Variants in FAM193A observed in about 807,000 individuals in gnomAD.
The protein encoded by FAM193A is family with sequence similarity 193 member A, also known as protein FAM193A.
FAM193A carries 22 observed loss-of-function variants against 126.5 expected under a neutral mutation model. The ratio of observed to expected loss-of-function variants is 0.17; its 90% CI spans 0.12 to 0.25. The LOEUF is 0.25. Among genes scored for constraint, FAM193A ranks in the 10% least tolerant of loss-of-function variants. The pLI is 1.00. For missense variants in FAM193A, 1,675 were observed against 1,672.8 expected, an observed-to-expected ratio of 1.00 and a Z score of -0.02; for synonymous variants, 761 against 646.8, an observed-to-expected ratio of 1.18 and a Z score of -2.68.
chr4:2,665,077 C>G (rs547942951), intron 12 of FAM193A, among the ~76,000 whole-genome samples: 1 of 152,254 alleles, frequency 6.6e-6, no homozygotes, highest in African/African-American at 2.4e-5. Context: ...AGGGAGAATG[C>G]AATCCTAACA....
intron 12 of FAM193A, among the ~76,000 whole-genome samples, chr4:2,667,041 T>A (rs1713197985): frequency 6.6e-6 from 1 of 152,252 alleles, no homozygotes; most frequent in South Asian, 2.1e-4. Context: ...GATGACTGAT[T>A]TTAGAGCTTC....
intron 2 of FAM193A, 136 bp from the exon 3 acceptor site, chr4:2,625,126 T>C (rs1262079332): frequency 1.8e-6 from 1 of 569,596 alleles, no homozygotes; most frequent in African/African-American, 1.9e-5. Flanking sequence ...AGCCACTGTA[T>C]CTGGCCAAGA....
At position 2,695,067 on chromosome 4, in the gene FAM193A, A is replaced by G; in HGVS notation, c.3214A>G (p.Thr1072Ala). 1.2e-6 allele frequency: 2 copies of G among 1,609,190 alleles called. No individual in the cohort carries two copies. Among genetic ancestry groups the G allele is most frequent in the Non-Finnish European group, 1.7e-6 (2 of 1,178,092 alleles). ...GCACAGCTCCAGCACCTCGACCTCC[A>G]CCAACCAGAAGGAGGGCAAGTACTG... ...SEHSSSTSTS[T>A]NQKEGKYCDC... is the part of the protein sequence containing the mutation. The change falls in exon 17 of 21, where the codon ACC (threonine) becomes GCC (alanine). Residue 1072 changes from threonine (T) to alanine (A), a missense_variant. Physicochemically the swap from Thr to Ala is moderately conservative, Grantham distance 58. This residue lies in a region of FAM193A where 54 missense variants were observed against 114.8 expected (regional missense o/e 0.47). Coordinates refer to ENST00000637812, the MANE Select transcript of FAM193A (RefSeq NM_001366318.2).
chr4:2,590,048 T>C (rs1740433626), intron 1 of FAM193A, among the ~76,000 whole-genome samples: 1 of 151,382 alleles, frequency 6.6e-6, no homozygotes, highest in South Asian at 2.1e-4. Flanking sequence ...GGCAGGAGAA[T>C]TGCTTGAATC....
intron 20 of FAM193A, among the ~76,000 whole-genome samples, chr4:2,719,306 G>A (rs552723553): frequency 2.6e-5 from 4 of 152,008 alleles, no homozygotes; most frequent in Non-Finnish European, 5.9e-5. Flanking sequence ...GCAAGACTCC[G>A]TCTCAAAAAT....
chr4:2,577,422 G>GTTTGTTTTTTTT (rs1739656562), intron 1 of FAM193A, among the ~76,000 whole-genome samples: 1 of 115,542 alleles, frequency 8.7e-6, no homozygotes, highest in Non-Finnish European at 1.7e-5. Flanking sequence ...TTTTTTTTTT[G>GTTTGTTTTTTTT]TTTTTTTTTT....
chr4:2,592,103 T>A (rs1001802991), intron 1 of FAM193A, among the ~76,000 whole-genome samples: 4 of 152,220 alleles, frequency 2.6e-5, no homozygotes, highest in Non-Finnish European at 5.9e-5. Context: ...TATAATTTTT[T>A]TTTTTGAGAT....
At position 2,693,654 on chromosome 4, in the gene FAM193A, C is replaced by A. The variant is rs777709500; in HGVS notation, c.2872C>A (p.Pro958Thr). The A allele has an allele frequency of 5.0e-6, 8 of 1,614,194 alleles. No individual in the cohort carries two copies. The highest frequency in any genetic ancestry group is 2.2e-5 in the South Asian group (2 of 91,086). Reference protein sequence around the residue: ...HSAPAAPRNSPTGLAPLPALS... With the variant: ...HSAPAAPRNSTTGLAPLPALS... ...GGCCCCAGCCGCCCCGAGGAATAGC[C>A]CCACGGGCTTGGCCCCCCTCCCAGC... Residue 958 changes from proline (P) to threonine (T), a missense_variant, in exon 16 of 21, where the codon CCC becomes ACC. By Grantham distance (38) the Pro-to-Thr change is conservative. Coordinates refer to ENST00000637812, the MANE Select transcript of FAM193A (RefSeq NM_001366318.2).
intron 2 of FAM193A, among the ~76,000 whole-genome samples, chr4:2,621,179 C>T (rs1742525659): frequency 6.6e-6 from 1 of 152,130 alleles, no homozygotes; most frequent in African/African-American, 2.4e-5. Flanking sequence ...AGGGAGACCC[C>T]TTCTTCTTCA....
At chr4:2,623,301 C>G (rs954585712) in intron 2 of FAM193A, among the ~76,000 whole-genome samples, 1 of 152,168 alleles carries the variant, frequency 6.6e-6, no homozygotes, top group Admixed American at 6.5e-5. Flanking sequence ...TCCCGAGTAG[C>G]TGGGACTACA....
intron 20 of FAM193A, among the ~76,000 whole-genome samples, chr4:2,720,343 G>A (rs1719993100): frequency 6.6e-6 from 1 of 152,096 alleles, no homozygotes; most frequent in Non-Finnish European, 1.5e-5. Flanking sequence ...CAGTACAGAA[G>A]TTATTTGCTT....
intron 1 of FAM193A, among the ~76,000 whole-genome samples, chr4:2,572,521 T>A (rs1266677297): frequency 2.0e-5 from 3 of 151,970 alleles, no homozygotes; most frequent in African/African-American, 7.3e-5. Context: ...ATTTGTAAAC[T>A]GAGAGATGGA....
At chr4:2,665,922 C>T (rs952763458) in intron 12 of FAM193A, among the ~76,000 whole-genome samples, 1 of 152,166 alleles carries the variant, frequency 6.6e-6, no homozygotes, top group South Asian at 2.1e-4. Context: ...TCTCGGCTCA[C>T]GGCAAGCTCT....
chr4:2,543,945 C>G (rs544277936), intron 1 of FAM193A, among the ~76,000 whole-genome samples: 1 of 146,300 alleles, frequency 6.8e-6, no homozygotes, highest in African/African-American at 2.5e-5. Flanking sequence ...ATGGTATGAT[C>G]GTTGTATAAA....
intron 12 of FAM193A, among the ~76,000 whole-genome samples, chr4:2,666,335 T>C (rs1713113303): frequency 6.6e-6 from 1 of 152,250 alleles, no homozygotes; most frequent in Non-Finnish European, 1.5e-5. Context: ...GGATATTAAA[T>C]CAACCTGTGT....
At chr4:2,616,254 G>C (rs1443437038) in intron 2 of FAM193A, among the ~76,000 whole-genome samples, 1 of 152,012 alleles carries the variant, frequency 6.6e-6, no homozygotes, top group Non-Finnish European at 1.5e-5. Flanking sequence ...CTCCCTCTTT[G>C]TTGTTACTAA....
chr4:2,693,829 C>T lies in FAM193A; in HGVS notation c.3047C>T (p.Pro1016Leu). The T allele has an allele frequency of 1.9e-6, 3 of 1,614,238 alleles. No homozygotes were observed. Among genetic ancestry groups the T allele is most frequent in the Non-Finnish European group, 8.5e-7 (1 of 1,180,038 alleles). ...AAGAGTTTCTGTCCTGCACCCCTAC[C>T]CCCGGCCACAGATGGCTCCATTAGC... ...TRKSFCPAPL[P>L]PATDGSISAP... The change falls in exon 16 of 21, where the codon CCC (proline) becomes CTC (leucine). Residue 1016 changes from proline (P) to leucine (L), a missense_variant. Pro to Leu is a moderately conservative substitution (Grantham distance 98). Coordinates refer to ENST00000637812, the MANE Select transcript of FAM193A (RefSeq NM_001366318.2).
chr4:2,614,623 A>G (rs1248554927), intron 2 of FAM193A, among the ~76,000 whole-genome samples: 4 of 152,322 alleles, frequency 2.6e-5, no homozygotes, highest in African/African-American at 9.6e-5. Context: ...TTCATTATAA[A>G]ATGAGCTAGG....
chr4:2,594,009 C>T (rs146233900), intron 1 of FAM193A, among the ~76,000 whole-genome samples: 2 of 151,988 alleles, frequency 1.3e-5, no homozygotes, highest in East Asian at 3.9e-4. Flanking sequence ...AGTTGTCTGC[C>T]CCTGTGCCCC....
Sources: allele counts gnomAD v4.1 joint callset (sites outside exome capture counted in the v4.1 genomes callset), GRCh38; gene constraint gnomAD v4.1.1; regional missense constraint gnomAD v4.1.1; transcripts MANE v1.5; gene names NCBI Gene and HGNC (gene_info 2026-07-23, HGNC 2026-07-21).